Variants in SGCZ observed in about 807,000 individuals in gnomAD.
The protein encoded by SGCZ is sarcoglycan zeta.
SGCZ carries 40 observed loss-of-function variants against 41.3 expected under a neutral mutation model. The observed-to-expected ratio is 0.97, with a 90% CI of 0.75 to 1.26. SGCZ has a LOEUF of 1.26. Among genes scored for constraint, SGCZ ranks in the 50% most tolerant of loss-of-function variants. The pLI is 0.00. For synonymous variants in SGCZ, 206 were observed against 137.5 expected, an observed-to-expected ratio of 1.50 and a Z score of -3.49; for missense variants, 552 against 369.8, an observed-to-expected ratio of 1.49 and a Z score of -4.04.
intron 1 of SGCZ, among the ~76,000 whole-genome samples, chr8:15,138,351 T>A (rs1464738675): frequency 6.6e-6 from 1 of 152,136 alleles, no homozygotes; most frequent in African/African-American, 2.4e-5. Flanking sequence ...AATGCAGGGA[T>A]GAGTTGAGAC....
intron 1 of SGCZ, among the ~76,000 whole-genome samples, chr8:15,203,066 T>C (rs1327888613): frequency 6.6e-6 from 1 of 151,814 alleles, no homozygotes; most frequent in African/African-American, 2.4e-5. Flanking sequence ...GTTGAGACCA[T>C]GTCATGGCAC....
rs183637128 is a variant in SGCZ at position 14,623,103 on chromosome 8, C to T, written c.40-68177G>A. ...GGGTCTAATTAGAAAACAATTCAGTCGCTTTGAACTTATCAGTGTATTACC... is the reference window on the plus strand; with the variant it reads ...GGGTCTAATTAGAAAACAATTCAGTTGCTTTGAACTTATCAGTGTATTACC... On this transcript the variant is annotated intron_variant, in intron 1 of 7. Transcript: ENST00000382080. Among the ~76,000 whole-genome samples, 683 of 152,234 alleles carry T rather than the reference C, an allele frequency of 4.5e-3. 2 individuals carry two copies. The highest frequency in any genetic ancestry group is 0.012 in the Admixed American group (189 of 15,276).
intron 2 of SGCZ, among the ~76,000 whole-genome samples, chr8:14,507,734 ACAT>A (rs897284104): frequency 6.8e-6 from 1 of 147,084 alleles, no homozygotes; most frequent in African/African-American, 2.6e-5. Flanking sequence ...TTTAATTTCT[ACAT>A]TGCTGTTTTT....
At chr8:15,170,702 C>T (rs892215308) in intron 1 of SGCZ, among the ~76,000 whole-genome samples, 2 of 152,004 alleles carry the variant, frequency 1.3e-5, no homozygotes, top group Non-Finnish European at 2.9e-5. Flanking sequence ...GCAGAATAGT[C>T]GATGTATTTG....
intron 1 of SGCZ, among the ~76,000 whole-genome samples, chr8:15,193,376 T>C (rs1041124324): frequency 3.3e-5 from 5 of 152,244 alleles, no homozygotes; most frequent in Middle Eastern, 6.8e-3. Flanking sequence ...CGTTGAATTA[T>C]TGACAAATTT....
At chr8:14,305,189 A>T (rs761283706) in intron 3 of SGCZ, among the ~76,000 whole-genome samples, 1 of 152,200 alleles carries the variant, frequency 6.6e-6, no homozygotes. Flanking sequence ...AGGGCAATCA[A>T]TGTAACAAAT....
At chr8:14,463,185 G>C (rs35005030) in intron 2 of SGCZ, among the ~76,000 whole-genome samples, 32,731 of 150,790 alleles carry the variant, frequency 0.22, 4,221 homozygotes, top group Non-Finnish European at 0.3. Flanking sequence ...ATATTTCTCT[G>C]GTTAGAATTT....
chr8:15,012,944 G>T (rs1477186832), intron 1 of SGCZ, among the ~76,000 whole-genome samples: 1 of 151,676 alleles, frequency 6.6e-6, no homozygotes, highest in Admixed American at 6.6e-5. Flanking sequence ...ATCAGGTCAT[G>T]TTTAGAATGT....
At chr8:15,135,680 T>C (rs919020345) in intron 1 of SGCZ, among the ~76,000 whole-genome samples, 1 of 152,142 alleles carries the variant, frequency 6.6e-6, no homozygotes, top group Admixed American at 6.5e-5. Context: ...CAAACAGTGT[T>C]TAGACTGTGT....
chr8:15,071,394 C>G (rs1224868853), intron 1 of SGCZ, among the ~76,000 whole-genome samples: 2 of 152,122 alleles, frequency 1.3e-5, no homozygotes, highest in Non-Finnish European at 2.9e-5. Context: ...CAAGACTGGA[C>G]TTTGGAAAAC....
intron 1 of SGCZ, among the ~76,000 whole-genome samples, chr8:15,001,970 A>G (rs1802441205): frequency 6.6e-6 from 1 of 152,122 alleles, no homozygotes; most frequent in Non-Finnish European, 1.5e-5. Context: ...TAAAGAGCGA[A>G]GAAGATTTGA....
intron 1 of SGCZ, among the ~76,000 whole-genome samples, chr8:14,670,519 ACTTC>A (rs770111484): frequency 9.8e-5 from 15 of 152,302 alleles, no homozygotes; most frequent in Non-Finnish European, 1.8e-4. Flanking sequence ...TTATACTAAG[ACTTC>A]CTAATGATAA....
chr8:14,412,737 A>G (rs76386531), intron 2 of SGCZ, among the ~76,000 whole-genome samples: 3,034 of 152,160 alleles, frequency 0.02, 118 homozygotes, highest in South Asian at 0.12. Context: ...CAATATGCAT[A>G]TTAAAAAGCT....
At chr8:14,107,006 G>A (rs532316061) in intron 6 of SGCZ, among the ~76,000 whole-genome samples, 5 of 152,216 alleles carry the variant, frequency 3.3e-5, no homozygotes, top group South Asian at 4.1e-4. Context: ...CAGAAGGTCA[G>A]GAGATAGAGA....
chr8:14,257,884 T>A (rs1799519390), intron 3 of SGCZ, among the ~76,000 whole-genome samples: 1 of 152,196 alleles, frequency 6.6e-6, no homozygotes, highest in East Asian at 1.9e-4. Flanking sequence ...CTGATTATAT[T>A]CTTATATTTG....
chr8:15,217,907 T>A (rs1375410850), intron 1 of SGCZ, among the ~76,000 whole-genome samples: 1 of 152,060 alleles, frequency 6.6e-6, no homozygotes, highest in East Asian at 1.9e-4. Context: ...GGCCAAATGG[T>A]GAAACCCCAT....
chr8:14,639,361 T>G (rs546348160), intron 1 of SGCZ, among the ~76,000 whole-genome samples: 2 of 151,752 alleles, frequency 1.3e-5, no homozygotes, highest in East Asian at 3.9e-4. Context: ...GTTCCCTCCG[T>G]TAGTAATGAG....
chr8:14,775,246 CA>C (rs1334229994), intron 1 of SGCZ, among the ~76,000 whole-genome samples: 1 of 151,946 alleles, frequency 6.6e-6, no homozygotes, highest in Non-Finnish European at 1.5e-5. Flanking sequence ...CTTTGAGTAG[CA>C]AAGGTCTAGA....
chr8:14,102,653 A>AAGCC (rs1486137810), intron 6 of SGCZ, among the ~76,000 whole-genome samples, 154 bp from the exon 7 acceptor site: 2 of 152,238 alleles, frequency 1.3e-5, no homozygotes, highest in Non-Finnish European at 1.5e-5. Flanking sequence ...ATTTTAGGCA[A>AAGCC]AGCCAGAATG....
Sources: gnomAD v4.1 joint callset for allele counts (sites outside exome capture counted in the v4.1 genomes callset) on GRCh38, gnomAD v4.1.1 for gene constraint, MANE v1.5 for transcripts, NCBI Gene and HGNC (gene_info 2026-07-23, HGNC 2026-07-21) for gene names.